The following KAZN variants were observed in gnomAD, a reference collection of about 807,000 sequenced individuals.
KAZN encodes the protein kazrin, periplakin interacting protein.
Under a neutral mutation model 87.4 loss-of-function variants are expected in KAZN, and 40 were observed. The ratio of observed to expected loss-of-function variants is 0.46; its 90% confidence interval spans 0.36 to 0.60. The LOEUF is 0.60. KAZN is among the 20% of genes least tolerant of loss of function. KAZN has a pLI of 0.00. For synonymous variants in KAZN, 466 were observed against 458.3 expected (o/e 1.02, Z -0.22); for missense variants, 898 against 1,073.9 (o/e 0.84, Z 2.29).
chr1:13,999,271 C>T (rs1639669316), intron 1 of KAZN, among the ~76,000 whole-genome samples: 1 of 152,108 alleles, frequency 6.6e-6, no homozygotes, highest in Non-Finnish European at 1.5e-5. Context: ...TCGCATGAAT[C>T]CAGGAGGTGG....
intron 2 of KAZN, among the ~76,000 whole-genome samples, chr1:14,293,072 T>C (rs990363610): frequency 1.3e-5 from 2 of 152,206 alleles, no homozygotes; most frequent in African/African-American, 4.8e-5. Context: ...AAACTGGTTG[T>C]CTTCTTTAAG....
At chr1:14,228,485 T>C (rs1647497937) in intron 2 of KAZN, among the ~76,000 whole-genome samples, 1 of 152,174 alleles carries the variant, frequency 6.6e-6, no homozygotes, top group Non-Finnish European at 1.5e-5. Context: ...ATAGAAGCAG[T>C]GTTCTGTAGA....
intron 2 of KAZN, among the ~76,000 whole-genome samples, chr1:14,409,574 CCAAA>C (rs1371423018): frequency 2.0e-5 from 3 of 152,258 alleles, no homozygotes; most frequent in East Asian, 3.9e-4. Flanking sequence ...AACACTGTTA[CCAAA>C]CAGTGATATC....
chr1:14,583,849 C>A (rs1423976963), intron 2 of KAZN, among the ~76,000 whole-genome samples: 2 of 152,158 alleles, frequency 1.3e-5, no homozygotes, highest in African/African-American at 4.8e-5. Flanking sequence ...CCTCCCCTAC[C>A]TTTATAACAG....
chr1:14,348,925 C>T (rs553492057), intron 2 of KAZN: 2 of 152,322 alleles, frequency 1.3e-5, no homozygotes, highest in South Asian at 4.1e-4. Flanking sequence ...GGTTGGTTTA[C>T]AGTCCAGCAA....
At chr1:15,113,283 G>A (rs1433541067) in intron 14 of KAZN, 1 of 152,092 alleles carries the variant, frequency 6.6e-6, no homozygotes, top group Non-Finnish European at 1.5e-5. Flanking sequence ...CTGGTGGGGG[G>A]TGGGGGCGGT....
chr1:14,758,157 C>CCTTT (rs1557459213), intron 1 of KAZN, among the ~76,000 whole-genome samples: 7 of 149,144 alleles, frequency 4.7e-5, no homozygotes. Context: ...CTCCCTTCCT[C>CCTTT]CCTCCCTCCC....
At chr1:14,692,510 G>C (rs933639616) in intron 1 of KAZN, 18 of 184,122 alleles carry the variant, frequency 9.8e-5, no homozygotes, top group Admixed American at 1.9e-4. Context: ...GTGGCACTCC[G>C]TATGGGTCTC....
chr1:14,855,122 G>A (rs1187416270), intron 1 of KAZN, among the ~76,000 whole-genome samples: 1 of 152,172 alleles, frequency 6.6e-6, no homozygotes, highest in Non-Finnish European at 1.5e-5. Context: ...GGGAGTCTAG[G>A]AAGCATGGCT....
chr1:14,790,714 C>A (rs1645648845), intron 1 of KAZN, among the ~76,000 whole-genome samples: 1 of 152,082 alleles, frequency 6.6e-6, no homozygotes, highest in East Asian at 1.9e-4. Flanking sequence ...AATCCGGTGA[C>A]TTCTTTTTTT....
intron 2 of KAZN, among the ~76,000 whole-genome samples, chr1:14,347,599 C>T (rs1658198489): frequency 6.6e-6 from 1 of 152,120 alleles, no homozygotes; most frequent in Non-Finnish European, 1.5e-5. Context: ...ACCACAGAAC[C>T]CTGGCTGCTT....
At chr1:14,482,839 A>C (rs1050757248) in intron 2 of KAZN, among the ~76,000 whole-genome samples, 1 of 152,152 alleles carries the variant, frequency 6.6e-6, no homozygotes, top group Non-Finnish European at 1.5e-5. Flanking sequence ...GGGAGCTAAT[A>C]TAACTTTATG....
At chr1:14,852,120 G>A (rs776990518) in intron 1 of KAZN, among the ~76,000 whole-genome samples, 24 of 152,250 alleles carry the variant, frequency 1.6e-4, no homozygotes, top group Non-Finnish European at 1.5e-5. Context: ...GATCTTGGGG[G>A]TCTCCCTGGA....
chr1:14,828,306 C>G (rs151249616), intron 1 of KAZN, among the ~76,000 whole-genome samples: 64 of 152,278 alleles, frequency 4.2e-4, no homozygotes, highest in African/African-American at 1.4e-3. Context: ...ATATTCAGGA[C>G]TCTGGAGATT....
At chr1:14,369,717 C>A (rs1391728697) in intron 2 of KAZN, among the ~76,000 whole-genome samples, 2 of 152,156 alleles carry the variant, frequency 1.3e-5, no homozygotes, top group Non-Finnish European at 1.5e-5. Flanking sequence ...AGGAAATAAA[C>A]CTGACCACAG....
intron 2 of KAZN, among the ~76,000 whole-genome samples, chr1:14,237,428 A>G (rs946389176): frequency 2.0e-4 from 30 of 152,280 alleles, no homozygotes; most frequent in African/African-American, 7.2e-4. Flanking sequence ...GCCTCGTCAC[A>G]TGAAATCATT....
chr1:14,872,916 G>T (rs1189656591), intron 1 of KAZN, among the ~76,000 whole-genome samples: 2 of 139,008 alleles, frequency 1.4e-5, no homozygotes, highest in East Asian at 4.9e-4. Flanking sequence ...GGATGGTTGG[G>T]TGGATGGATG....
rs145383461 is a variant in KAZN at position 14,583,771 on chromosome 1, G to A, written c.250-15212G>A. On this transcript the variant is annotated intron_variant, in intron 2 of 16. Transcript: ENST00000636203. Reference sequence around the variant, plus strand: ...CTACAGTATCCACTCTGCAGGCTAGGGCTTGGTGTGATGATCGCGTTTATT... The same window carrying A: ...CTACAGTATCCACTCTGCAGGCTAGAGCTTGGTGTGATGATCGCGTTTATT... Among the ~76,000 whole-genome samples, 107 of 152,266 alleles carry A rather than the reference G, an allele frequency of 7.0e-4. 1 individual carries two copies. The East Asian group carries it at 0.019, about 27-fold the overall frequency.
intron 2 of KAZN, among the ~76,000 whole-genome samples, chr1:14,333,631 A>G (rs939729788): frequency 2.0e-5 from 3 of 152,202 alleles, no homozygotes; most frequent in Admixed American, 6.5e-5. Context: ...ATCAATGAAC[A>G]TAATAAATGG....
Sources: gnomAD v4.1 joint callset for allele counts (sites outside exome capture counted in the v4.1 genomes callset) on GRCh38, gnomAD v4.1.1 for gene constraint, MANE v1.5 for transcripts, NCBI Gene and HGNC (gene_info 2026-07-23, HGNC 2026-07-21) for gene names.